Variants in TMC2 observed in about 807,000 individuals in gnomAD.
TMC2 encodes the protein transmembrane channel like 2, also known as transmembrane channel-like protein 2.
TMC2 carries 102 observed loss-of-function variants against 105.9 expected under a neutral mutation model. The ratio of observed to expected loss-of-function variants is 0.96; its 90% CI spans 0.82 to 1.14. The LOEUF (loss-of-function observed/expected upper bound fraction) is 1.14. Ranked by LOEUF, TMC2 falls within the 50% of genes most tolerant of loss-of-function variation. TMC2 has a pLI of 0.00. For missense variants in TMC2, 1,093 were observed against 1,134.3 expected (o/e 0.96, Z 0.52); for synonymous variants, 402 against 422.8 (o/e 0.95, Z 0.60).
At chr20:2,600,685 A>G (rs2086344206) in intron 10 of TMC2, among the ~76,000 whole-genome samples, 1 of 152,162 alleles carries the variant, frequency 6.6e-6, no homozygotes, top group Non-Finnish European at 1.5e-5. Flanking sequence ...TTAGCCGGGC[A>G]TGGTGGCGGG....
intron 12 of TMC2, among the ~76,000 whole-genome samples, chr20:2,611,187 G>A (rs761268690): frequency 6.6e-6 from 1 of 152,244 alleles, no homozygotes; most frequent in Non-Finnish European, 1.5e-5. Flanking sequence ...GGAAAAGGCA[G>A]AGGGAACAGC....
In TMC2 at chr20:2,592,927, G is replaced by A. The variant is rs1005852137; in HGVS notation, c.933+519G>A. On this transcript the variant is annotated intron_variant, in intron 8 of 19. Coordinates refer to ENST00000358864, the MANE Select transcript of TMC2 (RefSeq NM_080751.3). The surrounding 1 kb of genome is among the most constrained non-coding windows in gnomAD (Gnocchi z 4.9). ...TCTACCTCTTCCTCACCAACCACCC[G>A]CCACTGCCATCCAACCAACCACTAA... Among the ~76,000 whole-genome samples the A allele has an allele frequency of 2.0e-5, 3 of 152,072 alleles. No individual in the cohort carries two copies. Among genetic ancestry groups the A allele is most frequent in the Admixed American group, 6.6e-5 (1 of 15,260 alleles).
intron 19 of TMC2, among the ~76,000 whole-genome samples, chr20:2,638,638 A>G (rs973107912): frequency 4.6e-5 from 7 of 152,120 alleles, no homozygotes; most frequent in Admixed American, 2.0e-4. Context: ...GTGGAGGTGG[A>G]AGACAGTGAT....
intron 11 of TMC2, among the ~76,000 whole-genome samples, chr20:2,610,102 G>A (rs1424317891): frequency 6.6e-6 from 1 of 152,196 alleles, no homozygotes; most frequent in Non-Finnish European, 1.5e-5. Context: ...GCCTGCCTCG[G>A]CTTCCCAAAG....
chr20:2,620,730 G>A (rs563234922), intron 16 of TMC2, among the ~76,000 whole-genome samples: 1 of 152,294 alleles, frequency 6.6e-6, no homozygotes, highest in Admixed American at 6.5e-5. Flanking sequence ...CAAGAAGAAG[G>A]AAGGGTGGAA....
At position 2,638,210 on chromosome 20, in the gene TMC2, G is replaced by A. The variant is rs545541211; in HGVS notation, c.2503+619G>A. Among the ~76,000 whole-genome samples, 13 of 152,014 alleles carry A rather than the reference G, an allele frequency of 8.6e-5. 1 individual carries two copies. The highest frequency in any genetic ancestry group is 4.1e-4 in the South Asian group (2 of 4,824). ...CAAAAAATTAGCCGGGCGTGGTGGC[G>A]GGCGCCTGTAGTCCCAGCTGCTTGG... On this transcript the variant is annotated intron_variant, in intron 19 of 19. Transcript: ENST00000358864.
intron 2 of TMC2, among the ~76,000 whole-genome samples, chr20:2,553,752 G>A (rs760962850): frequency 2.0e-5 from 3 of 152,058 alleles, no homozygotes; most frequent in Non-Finnish European, 4.4e-5. Flanking sequence ...ATAAATATAG[G>A]CCTATTCAGA....
intron 18 of TMC2, among the ~76,000 whole-genome samples, chr20:2,636,338 G>T (rs1010597062): frequency 6.6e-6 from 1 of 151,992 alleles, no homozygotes; most frequent in African/African-American, 2.4e-5. Context: ...AATACTAAAA[G>T]AAATGTTGTC....
At chr20:2,602,952 G>A (rs1248679793) in intron 11 of TMC2, among the ~76,000 whole-genome samples, 1 of 152,220 alleles carries the variant, frequency 6.6e-6, no homozygotes, top group Non-Finnish European at 1.5e-5. Flanking sequence ...TTGGTCATGT[G>A]ACTTGGTTTA....
At position 2,629,529 on chromosome 20, in the gene TMC2, T is replaced by TAAAAAAAAAAAAAAA. The variant is rs56821075; in HGVS notation, c.2306+5137_2306+5151dup. Among the ~76,000 whole-genome samples, 32 of 115,918 alleles carry TAAAAAAAAAAAAAAA rather than the reference T, an allele frequency of 2.8e-4. 3 individuals are homozygous for TAAAAAAAAAAAAAAA. The highest frequency in any genetic ancestry group is 3.3e-4 in the Non-Finnish European group (19 of 58,118). 76.0% of individuals were successfully genotyped at this position (115,918 alleles called of 152,430 possible). A position where few individuals can be genotyped will look rare whatever the true frequency, so the allele number is the denominator to read the frequency against. On this transcript the variant is annotated intron_variant, in intron 17 of 19. Transcript: ENST00000358864. Reference sequence around the variant, plus strand: ...TCTAATTATTGATTTCTTACAGAAGTAAAAAAAAAAAAAAAAAAGTGACCT... The same window carrying TAAAAAAAAAAAAAAA: ...TCTAATTATTGATTTCTTACAGAAGTAAAAAAAAAAAAAAAAAAAAAAAAAAAAAAAAAGTGACCT...
intron 4 of TMC2, among the ~76,000 whole-genome samples, chr20:2,564,288 C>T (rs1024165876): frequency 5.9e-5 from 9 of 151,680 alleles, no homozygotes; most frequent in Admixed American, 2.6e-4. Context: ...GTAGCTGGGA[C>T]TACAGGCGCC....
chr20:2,641,459 C>G lies in TMC2; in HGVS notation c.*108C>G. 1 of 670,576 alleles carries G rather than the reference C, an allele frequency of 1.5e-6. No individual in the cohort carries two copies. The highest frequency in any genetic ancestry group is 2.6e-6 in the Non-Finnish European group (1 of 387,938). 41.5% of individuals were successfully genotyped at this position (670,576 alleles called of 1,614,324 possible). A position where few individuals can be genotyped will look rare whatever the true frequency, so the allele number is the denominator to read the frequency against. ...CCCTCTTTCCTCTCACATACATGCTCTGTCTCCTCTCTTGGAATGCATGAA... is the reference window on the plus strand; with the variant it reads ...CCCTCTTTCCTCTCACATACATGCTGTGTCTCCTCTCTTGGAATGCATGAA... On this transcript the variant is annotated 3_prime_UTR_variant, in exon 20 of 20. Coordinates refer to ENST00000358864, the MANE Select transcript of TMC2 (RefSeq NM_080751.3).
chr20:2,579,155 A>G lies in TMC2; in HGVS notation c.655A>G (p.Lys219Glu). 3.2e-6 allele frequency: 5 copies of G among 1,581,448 alleles called. No individual in the cohort carries two copies. The highest frequency in any genetic ancestry group is 4.3e-6 in the Non-Finnish European group (5 of 1,150,646). The stretch of plus-strand genomic sequence containing the variant: ...ACGTCTTTTATTTCAGAAATGGGTC[A>G]AATTTAAGAGAGACTTTGATAATTT... Reference protein sequence around the residue: ...YKMLMAKKWVKFKRDFDNFKT... With the variant: ...YKMLMAKKWVEFKRDFDNFKT... The change falls in exon 6 of 20, where the codon AAA (lysine) becomes GAA (glutamate). Residue 219 changes from lysine to glutamate, a missense_variant. By Grantham distance (56) the Lys-to-Glu change is moderately conservative (BLOSUM62 1). Coordinates refer to ENST00000358864, the MANE Select transcript of TMC2 (RefSeq NM_080751.3).
At chr20:2,636,619 TTTGTTTG>T (rs1438772399) in intron 18 of TMC2, among the ~76,000 whole-genome samples, 2 of 10,120 alleles carry the variant, frequency 2.0e-4, no homozygotes, top group Non-Finnish European at 4.7e-4. Flanking sequence ...CTTCTGGTTT[TTTGTTTG>T]TTTGTTTGTT....
chr20:2,624,021 C>T (rs1030892371), intron 16 of TMC2, among the ~76,000 whole-genome samples: 30 of 152,324 alleles, frequency 2.0e-4, no homozygotes, highest in Admixed American at 1.8e-3. Context: ...CCAGTGAAGG[C>T]TAAGAGGTTG....
intron 4 of TMC2, among the ~76,000 whole-genome samples, chr20:2,563,202 A>G (rs2086040100): frequency 6.6e-6 from 1 of 152,130 alleles, no homozygotes; most frequent in African/African-American, 2.4e-5. Context: ...TTTGGCAGCC[A>G]TGTTTTTGCA....
At chr20:2,632,738 C>T (rs1307097241) in intron 17 of TMC2, among the ~76,000 whole-genome samples, 3 of 152,024 alleles carry the variant, frequency 2.0e-5, no homozygotes, top group South Asian at 4.2e-4. Context: ...TACAGGCGCC[C>T]GCCACTATGC....
At position 2,592,414 on chromosome 20, in the gene TMC2, A is replaced by G. The variant is rs780278819; in HGVS notation, c.933+6A>G. 6.3e-7 allele frequency: 1 copy of G among 1,580,896 alleles called. No individual in the cohort carries two copies. The highest frequency in any genetic ancestry group is 2.2e-5 in the East Asian group (1 of 44,718). On this transcript the variant is annotated splice_donor_region_variant and intron_variant, in intron 8 of 19. Transcript: ENST00000358864. This position sits in a 1 kb window ranked among gnomAD's most constrained non-coding sequence, Gnocchi z 4.9. The stretch of plus-strand genomic sequence containing the variant: ...CTGTCCTTTGGGATTTTGAGGTACT[A>G]TTGTCAACATGCCAATGAACTTCCA...
chr20:2,551,743 T>G (rs2085957938), intron 2 of TMC2, among the ~76,000 whole-genome samples: 1 of 152,164 alleles, frequency 6.6e-6, no homozygotes, highest in Non-Finnish European at 1.5e-5. Context: ...CAGCACAATT[T>G]GTTGAAAAAA....
Sources: allele counts gnomAD v4.1 joint callset (sites outside exome capture counted in the v4.1 genomes callset), GRCh38; gene constraint gnomAD v4.1.1; non-coding constraint Gnocchi (gnomAD v3.1); transcripts MANE v1.5; gene names NCBI Gene and HGNC (gene_info 2026-07-23, HGNC 2026-07-21).